Variants in FBXO3 observed in about 807,000 individuals in gnomAD.
FBXO3 encodes F-box protein 3.
In FBXO3, 17 loss-of-function variants were observed where a neutral mutation model predicts 64.8. That is an observed-to-expected ratio of 0.26 (90% CI 0.18 to 0.39). The LOEUF (loss-of-function observed/expected upper bound fraction) is 0.39, where lower values mean the gene tolerates loss of function less well. Among genes scored for constraint, FBXO3 ranks in the 10% least tolerant of loss-of-function variants. FBXO3 has a pLI of 1.00. For synonymous variants in FBXO3, 182 were observed against 201.6 expected (o/e 0.90, Z 0.82); for missense variants, 420 against 589.9 (o/e 0.71, Z 2.98).
intron 8 of FBXO3, 72 bp from the exon 9 acceptor site, chr11:33,748,964 T>G (rs1854885154): frequency 4.8e-5 from 46 of 961,188 alleles, no homozygotes; most frequent in Non-Finnish European, 6.5e-5. Flanking sequence ...AGATACAGTA[T>G]TCAGGCTAAT....
intron 3 of FBXO3, among the ~76,000 whole-genome samples, chr11:33,763,924 A>G (rs1855304727): frequency 6.6e-6 from 1 of 152,254 alleles, no homozygotes; most frequent in South Asian, 2.1e-4. Flanking sequence ...TGACAACATT[A>G]AAGTGCTGGT....
intron 6 of FBXO3, among the ~76,000 whole-genome samples, chr11:33,752,552 T>C (rs569538715): frequency 9.6e-4 from 146 of 152,298 alleles, no homozygotes; most frequent in African/African-American, 3.3e-3. Context: ...TATCTAAGGG[T>C]ACAAGGCTTT....
chr11:33,764,543 C>T (rs2133617318), intron 3 of FBXO3, among the ~76,000 whole-genome samples: 1 of 152,100 alleles, frequency 6.6e-6, no homozygotes, highest in East Asian at 1.9e-4. Context: ...TTCACGTCTG[C>T]AGTTATCTTT....
chr11:33,769,032 A>G lies in FBXO3; in HGVS notation c.195-18T>C. On this transcript the variant is annotated intron_variant, in intron 2 of 10. Transcript: ENST00000265651. ...TCTCTTCCCTAAATAGATGAAAAAC[A>G]TGAGATTTTAAATCTTTTAAAATAA... The G allele has an allele frequency of 6.3e-7, 1 of 1,580,094 alleles. No homozygotes were observed. The highest frequency in any genetic ancestry group is 8.6e-7 in the Non-Finnish European group (1 of 1,165,552).
At chr11:33,748,713 GGATGCA>G in intron 9 of FBXO3, 58 bp downstream of exon 9, 1 of 990,970 alleles carries the variant, frequency 1.0e-6, no homozygotes, top group Non-Finnish European at 1.6e-6. Flanking sequence ...GTTATATTTA[GGATGCA>G]AAGTCTAACA....
At chr11:33,769,554 A>C (rs1855459527) in intron 2 of FBXO3, among the ~76,000 whole-genome samples, 1 of 152,196 alleles carries the variant, frequency 6.6e-6, no homozygotes, top group African/African-American at 2.4e-5. Context: ...TTTTACCTTC[A>C]AAAAAGGTAA....
At chr11:33,747,048 AAACT>A (rs1227725192) in intron 10 of FBXO3, 78 bp downstream of exon 10, 37 of 1,563,992 alleles carry the variant, frequency 2.4e-5, no homozygotes, top group South Asian at 6.1e-5. Flanking sequence ...CACTATTTAT[AAACT>A]AACTATTTGC....
At chr11:33,770,905 ATTGTT>A in intron 1 of FBXO3, 75 bp from the exon 2 acceptor site, 1 of 1,221,262 alleles carries the variant, frequency 8.2e-7, no homozygotes, top group Non-Finnish European at 1.2e-6. Context: ...TAAAATATTC[ATTGTT>A]TTGTTTTATG....
At chr11:33,767,002 G>A (rs5002642) in intron 3 of FBXO3, among the ~76,000 whole-genome samples, 95,294 of 142,052 alleles carry the variant, frequency 0.67, 33,027 homozygotes, top group Admixed American at 0.8. Context: ...AAAAAAAAAA[G>A]AAAAAAAAAA....
At chr11:33,748,603 AG>A (rs1405593917) in intron 9 of FBXO3, among the ~76,000 whole-genome samples, 173 bp downstream of exon 9, 1 of 152,258 alleles carries the variant, frequency 6.6e-6, no homozygotes, top group African/African-American at 2.4e-5. Flanking sequence ...ATCCACAAAA[AG>A]GGAAATCAAT....
At chr11:33,773,066 A>G (rs1329627152) in intron 1 of FBXO3, 1 of 152,144 alleles carries the variant, frequency 6.6e-6, no homozygotes, top group African/African-American at 2.4e-5. Context: ...TGGATGGTGC[A>G]AATGTGATAG....
intron 4 of FBXO3, among the ~76,000 whole-genome samples, chr11:33,757,681 A>T (rs1244027323): frequency 2.1e-5 from 3 of 143,100 alleles, no homozygotes; most frequent in Non-Finnish European, 4.6e-5. Context: ...AAAAAAAAAA[A>T]GTCTGGGTGG....
rs1274192881 is a variant in FBXO3, at chr11:33,747,184, G to A, written c.1185C>T (p.Ala395=). 5 of 1,610,334 alleles carry A rather than the reference G, an allele frequency of 3.1e-6. No individual in the cohort carries two copies. The South Asian group carries it at 4.4e-5, about 14-fold the overall frequency. The change falls in exon 10 of 11, where the codon GCC becomes GCT. Residue 395 remains alanine, a synonymous_variant. Transcript: ENST00000265651. ...GACATGCCATATGGAATCGGGGAAT[G>A]GCAACATTAAAGATCTTGTCTTTAA... ...LYFKDKIFNV[A]IPRFHMACPT...
At chr11:33,751,404 A>C in intron 7 of FBXO3, 119 bp downstream of exon 7, 1 of 638,826 alleles carries the variant, frequency 1.6e-6, no homozygotes. Context: ...TCTATTATCA[A>C]CCTCAATAGA....
intron 1 of FBXO3, chr11:33,773,304 A>G (rs1855555975): frequency 6.6e-6 from 1 of 152,252 alleles, no homozygotes; most frequent in African/African-American, 2.4e-5. Context: ...GCTAGCAGGT[A>G]CAGGTAGCGA....
rs995496537 is a variant in FBXO3, at chr11:33,769,079, C to T, written c.195-65G>A. On this transcript the variant is annotated intron_variant, in intron 2 of 10. Coordinates refer to ENST00000265651, the MANE Select transcript of FBXO3 (RefSeq NM_012175.4). ...ATAATATTAGCATTTATTTTAGATA[C>T]CTACAACATATAGAAACTTGTACTT... 3.1e-6 allele frequency: 4 copies of T among 1,299,522 alleles called. No homozygotes were observed. The African/African-American group carries it at 4.5e-5, about 15-fold the overall frequency. The allele number at this position is 1,299,522 out of a possible 1,614,324, so 80.5% of individuals were successfully genotyped here.
At chr11:33,746,321 A>G (rs1261471449) in intron 10 of FBXO3, 1 of 251,350 alleles carries the variant, frequency 4.0e-6, no homozygotes. Flanking sequence ...CTTCACTTCC[A>G]AACGCACACT....
chr11:33,742,927 G>T, intron 10 of FBXO3: 1 of 152,304 alleles, frequency 6.6e-6, no homozygotes, highest in Non-Finnish European at 1.5e-5. Context: ...GATGGTAGCT[G>T]GAACTGCAGT....
intron 1 of FBXO3, chr11:33,771,550 A>G (rs1855511839): frequency 6.6e-6 from 1 of 152,264 alleles, no homozygotes; most frequent in African/African-American, 2.4e-5. Flanking sequence ...TTAGGACTCT[A>G]TCCTTTCCAG....
Sources: gnomAD v4.1 joint callset for allele counts (sites outside exome capture counted in the v4.1 genomes callset) on GRCh38, gnomAD v4.1.1 for gene constraint, MANE v1.5 for transcripts, NCBI Gene and HGNC (gene_info 2026-07-23, HGNC 2026-07-21) for gene names.